The following NAALADL2 variants were observed in gnomAD, a reference collection of about 807,000 sequenced individuals.
NAALADL2 encodes the protein inactive N-acetylated-alpha-linked acidic dipeptidase-like protein 2.
In NAALADL2, 76 loss-of-function variants were observed where a neutral mutation model predicts 87.2. That is an observed-to-expected ratio of 0.87 (90% CI 0.72 to 1.05). The LOEUF (loss-of-function observed/expected upper bound fraction) is 1.05, where lower values mean the gene tolerates loss of function less well. Among genes scored for constraint, NAALADL2 ranks in the 50% least tolerant of loss-of-function variants. The pLI is 0.00. For synonymous variants in NAALADL2, 354 were observed against 331.0 expected, an observed-to-expected ratio of 1.07 and a Z score of -0.75; for missense variants, 1,089 against 945.8, an observed-to-expected ratio of 1.15 and a Z score of -1.99.
chr3:174,835,504 A>G (rs1297833744), intron 3 of NAALADL2, among the ~76,000 whole-genome samples: 2 of 152,200 alleles, frequency 1.3e-5, no homozygotes, highest in African/African-American at 2.4e-5. Context: ...AATAAATTGT[A>G]CTATATCAAA....
At chr3:174,628,706 C>T (rs1560103748) in intron 2 of NAALADL2, among the ~76,000 whole-genome samples, 1 of 152,080 alleles carries the variant, frequency 6.6e-6, no homozygotes, top group African/African-American at 2.4e-5. Flanking sequence ...AGCACTATTG[C>T]ATTATTTCTG....
At chr3:175,718,195 G>GTGTTTTTT in intron 11 of NAALADL2, 1 of 822,738 alleles carries the variant, frequency 1.2e-6, no homozygotes, top group Non-Finnish European at 1.7e-6. Context: ...AGGGCCTGTG[G>GTGTTTTTT]TTTTTTTTTT....
chr3:175,311,560 T>C (rs1383682658), intron 4 of NAALADL2, among the ~76,000 whole-genome samples: 1 of 152,108 alleles, frequency 6.6e-6, no homozygotes, highest in Non-Finnish European at 1.5e-5. Flanking sequence ...AATCAGTATA[T>C]CTTATGAAAC....
At position 175,650,069 on chromosome 3, in the gene NAALADL2, A is replaced by C. The variant is rs190222080; in HGVS notation, c.1896+22683A>C. Among the ~76,000 whole-genome samples, 3 of 151,938 alleles carry C rather than the reference A, an allele frequency of 2.0e-5. No individual in the cohort carries two copies. In the East Asian group the frequency reaches 5.8e-4, roughly 29 times the overall value. On this transcript the variant is annotated intron_variant, in intron 11 of 13. Transcript: ENST00000454872. ...AATAACCCCACACCAAAAAAAAAAA[A>C]AAAAACCCTCAGATTTCTATCAATT...
intron 3 of NAALADL2, among the ~76,000 whole-genome samples, chr3:174,782,324 G>T (rs1363444784): frequency 6.6e-6 from 1 of 152,094 alleles, no homozygotes; most frequent in Admixed American, 6.6e-5. Flanking sequence ...TGTTTTAATA[G>T]AGTAATTCTG....
At chr3:175,316,401 G>A (rs1759140774) in intron 4 of NAALADL2, among the ~76,000 whole-genome samples, 1 of 152,100 alleles carries the variant, frequency 6.6e-6, no homozygotes, top group East Asian at 1.9e-4. Context: ...TCTGTACCCT[G>A]AGCAAGGTGG....
intron 1 of NAALADL2, among the ~76,000 whole-genome samples, chr3:175,082,700 A>G (rs1718118617): frequency 6.6e-6 from 1 of 152,136 alleles, no homozygotes; most frequent in African/African-American, 2.4e-5. Context: ...TTTTTGGAAC[A>G]ATTTGTTCAT....
chr3:175,342,235 CTA>C (rs1465365392), intron 5 of NAALADL2, among the ~76,000 whole-genome samples: 2 of 152,002 alleles, frequency 1.3e-5, no homozygotes, highest in East Asian at 3.9e-4. Flanking sequence ...TATATGAAGT[CTA>C]TACATGTGAT....
intron 2 of NAALADL2, among the ~76,000 whole-genome samples, chr3:174,635,689 G>C (rs1722572853): frequency 6.6e-6 from 1 of 152,042 alleles, no homozygotes. Flanking sequence ...TTTTAGTAGA[G>C]ACGGGGTTTC....
intron 1 of NAALADL2, among the ~76,000 whole-genome samples, chr3:174,872,298 T>G (rs1168961186): frequency 6.6e-6 from 1 of 152,148 alleles, no homozygotes; most frequent in Non-Finnish European, 1.5e-5. Context: ...GTCCACCACA[T>G]GAAAATGGCC....
chr3:175,529,785 G>A (rs988171043), intron 9 of NAALADL2, among the ~76,000 whole-genome samples: 6 of 152,170 alleles, frequency 3.9e-5, no homozygotes, highest in East Asian at 1.9e-4. Flanking sequence ...AAGGCATTCC[G>A]TGAGTCCATG....
chr3:175,471,850 A>G (rs1042338180), intron 9 of NAALADL2, 92 bp downstream of exon 9: 1 of 1,051,234 alleles, frequency 9.5e-7, no homozygotes, highest in Non-Finnish European at 1.4e-6. Context: ...TTATTTTTAA[A>G]TATGCATCAA....
At chr3:174,494,904 T>C (rs1718419056) in intron 1 of NAALADL2, among the ~76,000 whole-genome samples, 1 of 152,112 alleles carries the variant, frequency 6.6e-6, no homozygotes, top group Non-Finnish European at 1.5e-5. Flanking sequence ...TGGGGCATGA[T>C]CAGTTTGAGG....
chr3:175,109,074 ATTGTT>A (rs1224889250), intron 2 of NAALADL2, among the ~76,000 whole-genome samples: 1 of 151,836 alleles, frequency 6.6e-6, no homozygotes, highest in Non-Finnish European at 1.5e-5. Context: ...TCTGTTTTCG[ATTGTT>A]TAATTTTTAA....
chr3:174,984,543 A>G (rs1429898737), intron 1 of NAALADL2, among the ~76,000 whole-genome samples: 2 of 152,190 alleles, frequency 1.3e-5, no homozygotes, highest in Non-Finnish European at 2.9e-5. Flanking sequence ...AAACTCAAGG[A>G]CAGGACCTAG....
At chr3:174,945,847 A>T (rs1304663174) in intron 1 of NAALADL2, among the ~76,000 whole-genome samples, 1 of 152,032 alleles carries the variant, frequency 6.6e-6, no homozygotes, top group Non-Finnish European at 1.5e-5. Context: ...GGAGATCAAG[A>T]CCATCCTGGC....
rs548294433 is a variant in NAALADL2, at chr3:175,059,590, C to T, written c.44-37200C>T. On this transcript the variant is annotated intron_variant, in intron 1 of 13. Coordinates refer to ENST00000454872, the MANE Select transcript of NAALADL2 (RefSeq NM_207015.3). ...TTGCCATATCTGCCACATCATCCCA[C>T]GGTTTCACATCAGTATGATGGAAAA... 73 of 325,804 alleles carry T rather than the reference C, an allele frequency of 2.2e-4. 1 individual carries two copies. The East Asian group carries it at 5.6e-3, about 25-fold the overall frequency. 20.2% of individuals were successfully genotyped at this position (325,804 alleles called of 1,614,324 possible). A position where few individuals can be genotyped will look rare whatever the true frequency, so the allele number is the denominator to read the frequency against.
chr3:175,080,275 A>G (rs1279839066), intron 1 of NAALADL2, among the ~76,000 whole-genome samples: 1 of 152,182 alleles, frequency 6.6e-6, no homozygotes, highest in African/African-American at 2.4e-5. Flanking sequence ...ACTATAGACT[A>G]TTTTTAGAAT....
At chr3:175,505,018 T>G (rs1481871327) in intron 9 of NAALADL2, among the ~76,000 whole-genome samples, 1 of 152,150 alleles carries the variant, frequency 6.6e-6, no homozygotes, top group Non-Finnish European at 1.5e-5. Flanking sequence ...ATTTGACGTT[T>G]CTCTTATTGA....
Sources: allele counts gnomAD v4.1 joint callset (sites outside exome capture counted in the v4.1 genomes callset), GRCh38; gene constraint gnomAD v4.1.1; transcripts MANE v1.5; gene names NCBI Gene and HGNC (gene_info 2026-07-23, HGNC 2026-07-21).